CCDC73: variants seen among roughly 807,000 people sequenced by gnomAD.
CCDC73 encodes the protein coiled-coil domain-containing protein 73.
In CCDC73, 95 loss-of-function variants were observed where a neutral mutation model predicts 116.5. The ratio of observed to expected loss-of-function variants is 0.82; its 90% CI spans 0.69 to 0.97. The LOEUF is 0.97. CCDC73 is among the 50% of genes least tolerant of loss of function. The probability of loss-of-function intolerance (pLI) is 0.00; values close to 1 mark genes in which losing one functional copy is unlikely to be tolerated. For missense variants in CCDC73, 1,066 were observed against 1,206.8 expected (o/e 0.88, Z 1.73); for synonymous variants, 398 against 401.3 (o/e 0.99, Z 0.10).
chr11:32,659,325 T>C (rs7113466), intron 9 of CCDC73, among the ~76,000 whole-genome samples: 24,067 of 152,116 alleles, frequency 0.16, 2,027 homozygotes, highest in South Asian at 0.27. Context: ...CTACAGGTAG[T>C]TGAACATATA....
intron 1 of CCDC73, among the ~76,000 whole-genome samples, chr11:32,785,656 C>T (rs1416137783): frequency 2.6e-5 from 4 of 152,110 alleles, no homozygotes; most frequent in Non-Finnish European, 5.9e-5. Flanking sequence ...CCTCCTGCCT[C>T]GGCCTCCAAA....
intron 14 of CCDC73, among the ~76,000 whole-genome samples, chr11:32,626,752 G>C (rs1855577830): frequency 6.6e-6 from 1 of 152,158 alleles, no homozygotes. Context: ...AAATGGTGCT[G>C]GGAAAACTGG....
intron 14 of CCDC73, among the ~76,000 whole-genome samples, chr11:32,621,074 T>C (rs529655178): frequency 1.0e-3 from 159 of 152,246 alleles, no homozygotes; most frequent in Admixed American, 2.3e-3. Flanking sequence ...GAAGAATCAA[T>C]ATAGTGAAAA....
intron 2 of CCDC73, among the ~76,000 whole-genome samples, chr11:32,722,982 A>T (rs551400958): frequency 2.0e-5 from 3 of 152,206 alleles, no homozygotes; most frequent in African/African-American, 7.2e-5. Context: ...ATCTGTCTCC[A>T]AAGTCTCTTA....
chr11:32,766,460 C>A (rs907098542), intron 1 of CCDC73, among the ~76,000 whole-genome samples: 5 of 152,092 alleles, frequency 3.3e-5, no homozygotes, highest in Non-Finnish European at 5.9e-5. Flanking sequence ...CTGGCCAGGG[C>A]AATCAGGCAG....
At chr11:32,786,883 A>G (rs963872144) in intron 1 of CCDC73, among the ~76,000 whole-genome samples, 2 of 152,116 alleles carry the variant, frequency 1.3e-5, no homozygotes, top group African/African-American at 2.4e-5. Context: ...TCTTCTCATC[A>G]TGCCTGACTT....
intron 1 of CCDC73, among the ~76,000 whole-genome samples, chr11:32,784,788 T>C (rs898515424): frequency 6.6e-6 from 1 of 152,202 alleles, no homozygotes; most frequent in Non-Finnish European, 1.5e-5. Context: ...AAATAACATA[T>C]AATGGAGGAG....
chr11:32,629,464 G>A (rs1175274343), intron 14 of CCDC73, among the ~76,000 whole-genome samples: 2 of 150,738 alleles, frequency 1.3e-5, no homozygotes, highest in Non-Finnish European at 2.9e-5. Context: ...GGAGTGGCGC[G>A]ATCTCGGCTC....
chr11:32,729,511 C>T (rs1002648593), intron 2 of CCDC73, among the ~76,000 whole-genome samples: 3 of 152,048 alleles, frequency 2.0e-5, no homozygotes, highest in African/African-American at 7.2e-5. Flanking sequence ...TTTTATAAAA[C>T]AATGTTTTAG....
chr11:32,663,181 G>A (rs529127264), intron 9 of CCDC73, among the ~76,000 whole-genome samples: 1 of 152,252 alleles, frequency 6.6e-6, no homozygotes, highest in East Asian at 1.9e-4. Flanking sequence ...GTCTTTTTTG[G>A]TTCCATATGA....
At chr11:32,730,865 A>C (rs1043113580) in intron 2 of CCDC73, among the ~76,000 whole-genome samples, 7 of 152,150 alleles carry the variant, frequency 4.6e-5, no homozygotes, top group African/African-American at 1.7e-4. Context: ...AAGATGGGTG[A>C]TTTCTGCATT....
chr11:32,620,461 A>G (rs1648365810), intron 14 of CCDC73, among the ~76,000 whole-genome samples: 2 of 151,972 alleles, frequency 1.3e-5, no homozygotes, highest in South Asian at 4.2e-4. Context: ...TACAAAAAAA[A>G]TTAGCCAGGC....
Position 32,653,232 on chromosome 11 carries a change from G to A in CCDC73, c.835-5C>T. On this transcript the variant is annotated splice_region_variant and splice_polypyrimidine_tract_variant and intron_variant, in intron 11 of 17. Coordinates refer to ENST00000335185, the MANE Select transcript of CCDC73 (RefSeq NM_001008391.4). ...TTGGAAAGAAATGATGATATCCTTT[G>A]AAAATACACAAATATATCAATTTAA... 1.3e-6 allele frequency: 2 copies of A among 1,562,976 alleles called. No individual in the cohort carries two copies. The highest frequency in any genetic ancestry group is 1.8e-6 in the Non-Finnish European group (2 of 1,137,458).
the CCDC73 span, among the ~76,000 whole-genome samples, chr11:32,821,396 G>A: frequency 6.6e-6 from 1 of 152,086 alleles, no homozygotes; most frequent in African/African-American, 2.4e-5. Flanking sequence ...GTTCTTCAGA[G>A]GTCATTTTTA....
chr11:32,759,559 T>C (rs187716856), intron 2 of CCDC73, among the ~76,000 whole-genome samples: 6 of 152,296 alleles, frequency 3.9e-5, no homozygotes, highest in African/African-American at 1.4e-4. Flanking sequence ...CTCGAACTCC[T>C]GGCCTCAAGT....
chr11:32,753,592 G>A (rs1386916284), intron 2 of CCDC73, among the ~76,000 whole-genome samples: 3 of 152,074 alleles, frequency 2.0e-5, no homozygotes, highest in African/African-American at 7.2e-5. Flanking sequence ...AGCCTCCCGA[G>A]TAGCTGGGAT....
chr11:32,639,158 C>G (rs976572726), intron 13 of CCDC73, among the ~76,000 whole-genome samples: 2 of 149,784 alleles, frequency 1.3e-5, no homozygotes, highest in East Asian at 3.9e-4. Context: ...CCCCGACACC[C>G]CCCCCAAAAA....
chr11:32,615,236 G>T (rs1331691335), intron 15 of CCDC73, among the ~76,000 whole-genome samples: 3 of 151,980 alleles, frequency 2.0e-5, no homozygotes, highest in African/African-American at 7.2e-5. Flanking sequence ...TTAAAAAATG[G>T]TTTATTTTTC....
chr11:32,683,523 G>C lies in CCDC73; in HGVS notation c.429+13C>G, dbSNP rs1405467447. The C allele has an allele frequency of 6.0e-6, 9 of 1,498,236 alleles. No homozygotes were observed. The Admixed American group carries it at 6.7e-5, about 11-fold the overall frequency. The allele number at this position is 1,498,236 out of a possible 1,614,324, so 92.8% of individuals were successfully genotyped here. A position where few individuals can be genotyped will look rare whatever the true frequency, so the allele number is the denominator to read the frequency against. On this transcript the variant is annotated intron_variant, in intron 7 of 17. Coordinates refer to ENST00000335185, the MANE Select transcript of CCDC73 (RefSeq NM_001008391.4). ...ATCCAGATGGGGGAAAATATGTTTT[G>C]TAATTTCCTTACCATTTCACTCACT...
Sources: allele counts gnomAD v4.1 joint callset (sites outside exome capture counted in the v4.1 genomes callset), GRCh38; gene constraint gnomAD v4.1.1; transcripts MANE v1.5; gene names NCBI Gene and HGNC (gene_info 2026-07-23, HGNC 2026-07-21).